WASHC5: variants seen among roughly 807,000 people sequenced by gnomAD.
WASHC5 encodes the protein WASH complex subunit 5, also known as WASH complex subunit strumpellin.
A neutral mutation model predicts 150.4 loss-of-function variants in WASHC5; 101 were observed. That is an observed-to-expected ratio of 0.67 (90% CI 0.57 to 0.79). The LOEUF is 0.79. Among genes scored for constraint, WASHC5 ranks in the 30% least tolerant of loss-of-function variants. WASHC5 has a pLI of 0.00. For missense variants in WASHC5, 1,195 were observed against 1,396.3 expected (o/e 0.86, Z 2.30); for synonymous variants, 467 against 491.2 (o/e 0.95, Z 0.65).
At chr8:125,091,110 G>T (rs1478497106) in intron 1 of WASHC5, among the ~76,000 whole-genome samples, 1 of 151,148 alleles carries the variant, frequency 6.6e-6, no homozygotes, top group Non-Finnish European at 1.5e-5. Context: ...CCGATCCCAG[G>T]AATCAGGGCC....
intron 26 of WASHC5, among the ~76,000 whole-genome samples, chr8:125,036,074 T>A (rs1044786031): frequency 6.6e-6 from 1 of 152,234 alleles, no homozygotes; most frequent in African/African-American, 2.4e-5. Flanking sequence ...ATTGAAAGGC[T>A]TTGGTGTCTC....
intron 4 of WASHC5, among the ~76,000 whole-genome samples, chr8:125,082,159 C>T (rs542264602): frequency 2.0e-5 from 3 of 152,270 alleles, no homozygotes; most frequent in South Asian, 2.1e-4. Flanking sequence ...ATTCTTACAC[C>T]GAGGAGGCTC....
chr8:125,052,753 G>A (rs1816282831), intron 17 of WASHC5, among the ~76,000 whole-genome samples: 1 of 151,948 alleles, frequency 6.6e-6, no homozygotes, highest in African/African-American at 2.4e-5. Flanking sequence ...ATGCACCATG[G>A]AATATTTAAC....
intron 9 of WASHC5, among the ~76,000 whole-genome samples, chr8:125,072,224 G>A (rs1390985429): frequency 2.0e-5 from 3 of 151,684 alleles, no homozygotes; most frequent in Non-Finnish European, 4.4e-5. Context: ...CACACCTGTA[G>A]TCCCAGCTGC....
At chr8:125,060,053 C>T (rs1220023728) in intron 12 of WASHC5, among the ~76,000 whole-genome samples, 1 of 152,104 alleles carries the variant, frequency 6.6e-6, no homozygotes. Context: ...TTTATAGCGA[C>T]CATCCTAAAA....
At chr8:125,090,127 A>C (rs570257892) in intron 1 of WASHC5, among the ~76,000 whole-genome samples, 1 of 152,258 alleles carries the variant, frequency 6.6e-6, no homozygotes, top group South Asian at 2.1e-4. Flanking sequence ...GAAATCACTT[A>C]GTTACATTTT....
At chr8:125,081,595 A>G in intron 5 of WASHC5, 66 bp downstream of exon 5, 1 of 875,498 alleles carries the variant, frequency 1.1e-6, no homozygotes. Flanking sequence ...TATAAGGAAT[A>G]TGGGGACATA....
chr8:125,052,074 A>T (rs1467284481), intron 17 of WASHC5, among the ~76,000 whole-genome samples: 2 of 152,170 alleles, frequency 1.3e-5, no homozygotes, highest in African/African-American at 4.8e-5. Context: ...TGGTAGTCAG[A>T]ATGACTTGTG....
chr8:125,051,706 G>T (rs1175182300), intron 17 of WASHC5, among the ~76,000 whole-genome samples: 2 of 152,168 alleles, frequency 1.3e-5, no homozygotes, highest in Non-Finnish European at 2.9e-5. Flanking sequence ...TGACCAACAT[G>T]GAGAAACCCC....
chr8:125,060,499 A>G (rs1445503095), intron 12 of WASHC5, among the ~76,000 whole-genome samples: 1 of 149,336 alleles, frequency 6.7e-6, no homozygotes, highest in African/African-American at 2.5e-5. Flanking sequence ...AAAAAAAAAA[A>G]GAGTTTATGA....
At chr8:125,039,570 A>G (rs1815823837) in intron 24 of WASHC5, among the ~76,000 whole-genome samples, 1 of 152,174 alleles carries the variant, frequency 6.6e-6, no homozygotes, top group Non-Finnish European at 1.5e-5. Context: ...TCTGCTGAAT[A>G]CACGAATCCA....
intron 27 of WASHC5, among the ~76,000 whole-genome samples, chr8:125,031,854 T>C (rs1055977152): frequency 6.6e-6 from 1 of 152,232 alleles, no homozygotes; most frequent in Non-Finnish European, 1.5e-5. Flanking sequence ...TGATATGTTC[T>C]CTGACTCCCA....
chr8:125,056,216 G>T (rs1365894043), intron 16 of WASHC5, among the ~76,000 whole-genome samples: 2 of 152,136 alleles, frequency 1.3e-5, no homozygotes, highest in Non-Finnish European at 2.9e-5. Flanking sequence ...TAAATTCTAA[G>T]CTCAGGGAGA....
Position 125,059,138 on chromosome 8 carries a change from A to G in WASHC5, c.1764+84T>C, listed in dbSNP as rs3765214. 55,051 of 1,000,906 alleles carry G rather than the reference A, an allele frequency of 0.055. 4,596 individuals carry two copies. The highest frequency in any genetic ancestry group is 0.31 in the African/African-American group (19,507 of 62,492). 62.0% of individuals were successfully genotyped at this position (1,000,906 alleles called of 1,614,324 possible). On this transcript the variant is annotated intron_variant, in intron 14 of 28. Coordinates refer to ENST00000318410, the MANE Select transcript of WASHC5 (RefSeq NM_014846.4). The stretch of plus-strand genomic sequence containing the variant: ...ATTATTTACCTTCCTAAAAGGATAA[A>G]ATCCTGGGCTGAATTAATGAATGAG...
chr8:125,041,405 C>T (rs1024590218), intron 23 of WASHC5, among the ~76,000 whole-genome samples: 4 of 152,030 alleles, frequency 2.6e-5, no homozygotes, highest in South Asian at 2.1e-4. Flanking sequence ...TTTGGGAGGC[C>T]GAGGCAGGCT....
intron 23 of WASHC5, among the ~76,000 whole-genome samples, chr8:125,043,326 T>C (rs900811516): frequency 6.6e-6 from 1 of 151,258 alleles, no homozygotes; most frequent in African/African-American, 2.5e-5. Flanking sequence ...AGCAAATTAA[T>C]CTCTTCGTCT....
Position 125,030,382 on chromosome 8 carries a change from T to G in WASHC5, c.3336-1675A>C, listed in dbSNP as rs554240043. On this transcript the variant is annotated intron_variant, in intron 27 of 28. Transcript: ENST00000318410. ...GAGTTCTCCTCTATTTTTCAATTGTTAAAAAATCTTGTTTCTGAAGCAAGT... is the reference window on the plus strand; with the variant it reads ...GAGTTCTCCTCTATTTTTCAATTGTGAAAAAATCTTGTTTCTGAAGCAAGT... Among the ~76,000 whole-genome samples, 16 of 152,232 alleles carry G rather than the reference T, an allele frequency of 1.1e-4. No individual in the cohort carries two copies. In the East Asian group the frequency reaches 3.1e-3, roughly 29 times the overall value.
chr8:125,082,872 G>A, intron 3 of WASHC5: 1 of 411,688 alleles, frequency 2.4e-6, no homozygotes, highest in Non-Finnish European at 4.3e-6. Flanking sequence ...TAACAGGATT[G>A]GAAACTATAT....
rs1490037323 is a variant in WASHC5 at position 125,078,915 on chromosome 8, A to G, written c.534T>C (p.Ser178=). 1 of 1,613,726 alleles carries G rather than the reference A, an allele frequency of 6.2e-7. No individual in the cohort carries two copies. Among genetic ancestry groups the G allele is most frequent in the Non-Finnish European group, 8.5e-7 (1 of 1,179,886 alleles). Residue 178 remains serine (S), a synonymous_variant, in exon 6 of 29, where the codon TCT becomes TCC. Coordinates refer to ENST00000318410, the MANE Select transcript of WASHC5 (RefSeq NM_014846.4). Reference sequence around the variant, plus strand: ...AAATATCGTCCATATTTGAATCAGCAGAAGATCGAGCAGCACTGAGTCATA... The same window carrying G: ...AAATATCGTCCATATTTGAATCAGCGGAAGATCGAGCAGCACTGAGTCATA... The part of the protein sequence containing the change: ...SYYRYSAARS[S]ADSNMDDICK...
Sources: allele counts gnomAD v4.1 joint callset (sites outside exome capture counted in the v4.1 genomes callset), GRCh38; gene constraint gnomAD v4.1.1; transcripts MANE v1.5; gene names NCBI Gene and HGNC (gene_info 2026-07-23, HGNC 2026-07-21).